Variants in AMPH observed in about 807,000 individuals in gnomAD.
AMPH encodes amphiphysin.
In AMPH, 49 loss-of-function variants were observed where a neutral mutation model predicts 99.1. The observed-to-expected ratio is 0.49, with a 90% CI of 0.39 to 0.63. The LOEUF is 0.63. Ranked by LOEUF, AMPH falls within the 20% of genes least tolerant of loss-of-function variation. The pLI is 0.00. For synonymous variants in AMPH, 314 were observed against 317.3 expected (o/e 0.99, Z 0.11); for missense variants, 759 against 863.4 (o/e 0.88, Z 1.52).
chr7:38,444,106 G>A (rs1490176180), intron 11 of AMPH, among the ~76,000 whole-genome samples: 2 of 152,058 alleles, frequency 1.3e-5, no homozygotes, highest in African/African-American at 2.4e-5. Context: ...AAATACTTAT[G>A]GATAAATCCA....
intron 5 of AMPH, among the ~76,000 whole-genome samples, chr7:38,479,705 G>T (rs1788219590): frequency 6.6e-6 from 1 of 151,926 alleles, no homozygotes. Context: ...AACCTAATAT[G>T]TTAAAGATGT....
intron 12 of AMPH, among the ~76,000 whole-genome samples, chr7:38,434,867 A>G (rs1032769757): frequency 2.6e-5 from 4 of 152,222 alleles, no homozygotes; most frequent in African/African-American, 9.6e-5. Context: ...TTCACTTTGT[A>G]CTTTTCTTGG....
At chr7:38,395,098 C>G (rs926298373) in intron 17 of AMPH, among the ~76,000 whole-genome samples, 1 of 152,032 alleles carries the variant, frequency 6.6e-6, no homozygotes, top group African/African-American at 2.4e-5. Context: ...TGGCCTGGGT[C>G]AGAGAGAAAA....
At chr7:38,428,279 A>G (rs184599286) in intron 14 of AMPH, 341 of 456,758 alleles carry the variant, frequency 7.5e-4, no homozygotes, top group Middle Eastern at 9.8e-4. Flanking sequence ...CTGTTCCCCA[A>G]GAGTCTATCT....
chr7:38,431,852 T>C (rs1019639118), intron 13 of AMPH, among the ~76,000 whole-genome samples: 1 of 152,154 alleles, frequency 6.6e-6, no homozygotes, highest in Non-Finnish European at 1.5e-5. Flanking sequence ...ATTCACACTT[T>C]CCTTGTCTTC....
chr7:38,605,936 C>G (rs1293703973), intron 1 of AMPH, among the ~76,000 whole-genome samples: 2 of 152,132 alleles, frequency 1.3e-5, no homozygotes, highest in Non-Finnish European at 2.9e-5. Flanking sequence ...CCCCTCAGTG[C>G]GAGTCTATGG....
intron 1 of AMPH, among the ~76,000 whole-genome samples, chr7:38,627,990 T>C (rs1175490430): frequency 6.6e-6 from 1 of 152,068 alleles, no homozygotes; most frequent in Non-Finnish European, 1.5e-5. Flanking sequence ...TAAGCAGATA[T>C]ACATAAAACA....
At chr7:38,442,283 C>T (rs569053348) in intron 11 of AMPH, among the ~76,000 whole-genome samples, 17 of 152,218 alleles carry the variant, frequency 1.1e-4, no homozygotes, top group Admixed American at 8.5e-4. Flanking sequence ...TTAAAGAGTA[C>T]AGCATGAAGG....
At chr7:38,451,384 G>A (rs562918259) in intron 11 of AMPH, among the ~76,000 whole-genome samples, 16 of 148,614 alleles carry the variant, frequency 1.1e-4, no homozygotes, top group South Asian at 2.1e-4. Context: ...ATATACACAT[G>A]TATATATACA....
intron 1 of AMPH, among the ~76,000 whole-genome samples, chr7:38,592,815 C>T (rs749582): frequency 0.28 from 42,639 of 151,842 alleles, 6,388 homozygotes; most frequent in Non-Finnish European, 0.34. Flanking sequence ...CCCTGCATCT[C>T]GGTTCACTAA....
chr7:38,491,191 C>T (rs1190242036), intron 4 of AMPH, 46 bp from the exon 5 acceptor site: 2 of 1,312,034 alleles, frequency 1.5e-6, no homozygotes, highest in Non-Finnish European at 2.1e-6. Context: ...TAATTGGATA[C>T]CTTTCACCAA....
rs77477901 is a variant in AMPH at position 38,463,995 on chromosome 7, C to T, written c.750-882G>A. On this transcript the variant is annotated intron_variant, in intron 9 of 20. Coordinates refer to ENST00000356264, the MANE Select transcript of AMPH (RefSeq NM_001635.4). ...GTCCTTTAGCGAGAACACAGACATG[C>T]CACATGATTGGGGTCATATGCCAGC... 1.2e-3 allele frequency: 1,408 copies of T among 1,190,068 alleles called. 19 individuals carry two copies. The African/African-American group carries it at 0.02, about 17-fold the overall frequency. 73.7% of individuals were successfully genotyped at this position (1,190,068 alleles called of 1,614,324 possible).
chr7:38,531,681 C>G (rs1329811555), intron 2 of AMPH, among the ~76,000 whole-genome samples: 1 of 152,136 alleles, frequency 6.6e-6, no homozygotes, highest in African/African-American at 2.4e-5. Context: ...TTGAATAATT[C>G]TAGAACATCC....
intron 1 of AMPH, among the ~76,000 whole-genome samples, chr7:38,599,348 C>T (rs73126165): frequency 0.049 from 7,513 of 152,252 alleles, 379 homozygotes; most frequent in East Asian, 0.26. Context: ...GCCTACTCAA[C>T]GTGAAGATGT....
chr7:38,563,882 T>C (rs886554957), intron 1 of AMPH, among the ~76,000 whole-genome samples: 4 of 152,208 alleles, frequency 2.6e-5, no homozygotes, highest in African/African-American at 9.6e-5. Flanking sequence ...TCTGGAATCA[T>C]GTTTTCCTTC....
At chr7:38,446,328 T>G (rs1786778930) in intron 11 of AMPH, among the ~76,000 whole-genome samples, 1 of 152,188 alleles carries the variant, frequency 6.6e-6, no homozygotes, top group Non-Finnish European at 1.5e-5. Flanking sequence ...CCAAGAGAAA[T>G]GAAAGCATGC....
At chr7:38,624,933 T>C (rs1309157547) in intron 1 of AMPH, among the ~76,000 whole-genome samples, 2 of 151,438 alleles carry the variant, frequency 1.3e-5, no homozygotes, top group African/African-American at 2.4e-5. Context: ...GTCAGCAGAA[T>C]GGAGGAAACT....
At chr7:38,577,183 A>G (rs1792276815) in intron 1 of AMPH, among the ~76,000 whole-genome samples, 1 of 152,154 alleles carries the variant, frequency 6.6e-6, no homozygotes, top group African/African-American at 2.4e-5. Flanking sequence ...AACAAATGAC[A>G]TCCAAAAACT....
Position 38,507,435 on chromosome 7 carries a change from T to C in AMPH, c.151-3731A>G, listed in dbSNP as rs138700680. On this transcript the variant is annotated intron_variant, in intron 2 of 20. Transcript: ENST00000356264. ...CCACACTGAATTTCATCTAAAATTC[T>C]ACCTTAATCAAAAAGGTAAAAAGCT... Among the ~76,000 whole-genome samples, 502 of 152,334 alleles carry C rather than the reference T, an allele frequency of 3.3e-3. 2 individuals are homozygous for C. The highest frequency in any genetic ancestry group is 0.012 in the African/African-American group (485 of 41,572).
Sources: allele counts gnomAD v4.1 joint callset (sites outside exome capture counted in the v4.1 genomes callset), GRCh38; gene constraint gnomAD v4.1.1; transcripts MANE v1.5; gene names NCBI Gene and HGNC (gene_info 2026-07-23, HGNC 2026-07-21).